The following N4BP1 variants were observed in gnomAD, a reference collection of about 807,000 sequenced individuals.
N4BP1 encodes the protein NEDD4-binding protein 1.
Under a neutral mutation model 70.9 loss-of-function variants are expected in N4BP1, and 21 were observed. That is an observed-to-expected ratio of 0.30 (90% CI 0.21 to 0.43). The LOEUF (loss-of-function observed/expected upper bound fraction) is 0.43. N4BP1 is among the 20% of genes least tolerant of loss of function. The pLI is 1.00. For synonymous variants in N4BP1, 387 were observed against 394.6 expected, an observed-to-expected ratio of 0.98 and a Z score of 0.23; for missense variants, 936 against 1,069.4, an observed-to-expected ratio of 0.88 and a Z score of 1.74.
At chr16:48,594,749 T>C (rs1964385999) in intron 1 of N4BP1, among the ~76,000 whole-genome samples, 2 of 152,250 alleles carry the variant, frequency 1.3e-5, no homozygotes, top group Admixed American at 6.5e-5. Context: ...GTTATTAGTA[T>C]GTGTTACAAA....
intron 1 of N4BP1, among the ~76,000 whole-genome samples, chr16:48,590,481 G>A (rs900961123): frequency 3.3e-5 from 5 of 152,180 alleles, no homozygotes; most frequent in African/African-American, 1.2e-4. Flanking sequence ...TGAACCTGTT[G>A]GTTGGTTACA....
chr16:48,591,621 A>G (rs1964339780), intron 1 of N4BP1, among the ~76,000 whole-genome samples: 2 of 139,944 alleles, frequency 1.4e-5, no homozygotes, highest in Admixed American at 1.5e-4. Context: ...CTATTATTTT[A>G]AAAGGCCTTG....
chr16:48,598,662 G>A (rs1411223598), intron 1 of N4BP1, among the ~76,000 whole-genome samples: 2 of 152,126 alleles, frequency 1.3e-5, no homozygotes, highest in African/African-American at 4.8e-5. Flanking sequence ...AGATTACAAT[G>A]AGAAATCTGA....
intron 4 of N4BP1, among the ~76,000 whole-genome samples, chr16:48,549,044 TAAG>T (rs1963629612): frequency 6.6e-6 from 1 of 152,112 alleles, no homozygotes; most frequent in Non-Finnish European, 1.5e-5. Flanking sequence ...ACCCTCTTAA[TAAG>T]AAATCTGTGA....
intron 1 of N4BP1, among the ~76,000 whole-genome samples, chr16:48,575,233 A>C (rs1254482195): frequency 6.6e-6 from 1 of 152,240 alleles, no homozygotes; most frequent in Non-Finnish European, 1.5e-5. Flanking sequence ...CACTCATAAG[A>C]AAGATAATGC....
At chr16:48,585,472 A>G (rs895765080) in intron 1 of N4BP1, among the ~76,000 whole-genome samples, 3 of 151,822 alleles carry the variant, frequency 2.0e-5, no homozygotes, top group East Asian at 3.9e-4. Flanking sequence ...CCCTGTCTCT[A>G]TTTAAAAAAA....
chr16:48,555,031 T>C (rs1223171966), intron 2 of N4BP1, among the ~76,000 whole-genome samples: 1 of 152,240 alleles, frequency 6.6e-6, no homozygotes, highest in Non-Finnish European at 1.5e-5. Flanking sequence ...CCTCCCGGTC[T>C]CTGAGCCTTT....
chr16:48,595,355 A>T (rs1244470436), intron 1 of N4BP1, among the ~76,000 whole-genome samples: 5 of 147,350 alleles, frequency 3.4e-5, no homozygotes, highest in African/African-American at 1.3e-4. Flanking sequence ...TCCAGCTACT[A>T]GGGAGGCAGG....
chr16:48,584,596 T>C (rs1964216478), intron 1 of N4BP1, among the ~76,000 whole-genome samples: 1 of 145,684 alleles, frequency 6.9e-6, no homozygotes, highest in Non-Finnish European at 1.5e-5. Flanking sequence ...TTAAACATGT[T>C]AGCCTTTTAA....
In N4BP1 at chr16:48,538,934, A is replaced by G. The variant is rs1597085602; in HGVS notation, c.*3970T>C. On this transcript the variant is annotated 3_prime_UTR_variant, in exon 7 of 7. Coordinates refer to ENST00000262384, the MANE Select transcript of N4BP1 (RefSeq NM_153029.4). ...ACACAAAGTGCTGTGCGGTCACAAC[A>G]TCATGGGGATGCTTCTGGCAGAAGC... 6.6e-6 allele frequency: 1 copy of G among 152,290 alleles called. No individual in the cohort carries two copies. Among genetic ancestry groups the G allele is most frequent in the East Asian group, 1.9e-4 (1 of 5,172 alleles). 9.4% of individuals were successfully genotyped at this position (152,290 alleles called of 1,614,324 possible).
chr16:48,608,664 G>T (rs918217925), intron 1 of N4BP1, among the ~76,000 whole-genome samples: 6 of 151,330 alleles, frequency 4.0e-5, no homozygotes, highest in Admixed American at 1.3e-4. Flanking sequence ...GAAAGGGGGG[G>T]AAGTAGATAG....
chr16:48,570,202 T>C lies in N4BP1; in HGVS notation c.199-7758A>G, dbSNP rs551462890. Among the ~76,000 whole-genome samples the C allele has an allele frequency of 3.3e-5, 5 of 152,318 alleles. No individual in the cohort carries two copies. In the East Asian group the frequency reaches 9.6e-4, roughly 29 times the overall value. ...CTCACTCTCGGTTTTAGATGTTTCC[T>C]TTTCTGTCCCTTGGGCTGAAACCAG... On this transcript the variant is annotated intron_variant, in intron 1 of 6. Coordinates refer to ENST00000262384, the MANE Select transcript of N4BP1 (RefSeq NM_153029.4).
intron 1 of N4BP1, among the ~76,000 whole-genome samples, chr16:48,584,037 G>A (rs1036809398): frequency 2.6e-5 from 4 of 152,160 alleles, no homozygotes; most frequent in Non-Finnish European, 4.4e-5. Flanking sequence ...TTAGCCACAT[G>A]TCCCTGTCCA....
rs905327125 is a variant in N4BP1 at position 48,541,011 on chromosome 16, G to A, written c.*1893C>T. 5 of 152,308 alleles carry A rather than the reference G, an allele frequency of 3.3e-5. No homozygotes were observed. In the East Asian group the frequency reaches 5.8e-4, roughly 18 times the overall value. The allele number at this position is 152,308 out of a possible 1,614,324, so 9.4% of individuals were successfully genotyped here. ...CCTCTGAAGCAGTAAGTCAGAACACGAAGACTTACAGAACTCAAACATCAA... is the reference window on the plus strand; with the variant it reads ...CCTCTGAAGCAGTAAGTCAGAACACAAAGACTTACAGAACTCAAACATCAA... On this transcript the variant is annotated 3_prime_UTR_variant, in exon 7 of 7. Coordinates refer to ENST00000262384, the MANE Select transcript of N4BP1 (RefSeq NM_153029.4).
chr16:48,551,255 C>T (rs1963661640), intron 4 of N4BP1, 131 bp downstream of exon 4: 2 of 612,054 alleles, frequency 3.3e-6, no homozygotes, highest in Non-Finnish European at 5.9e-6. Flanking sequence ...AGCATATCAC[C>T]TTAATGACCA....
At chr16:48,544,350 C>T (rs940034272) in intron 6 of N4BP1, among the ~76,000 whole-genome samples, 1 of 152,208 alleles carries the variant, frequency 6.6e-6, no homozygotes, top group Non-Finnish European at 1.5e-5. Context: ...TCCAAACCTA[C>T]AGCTCCCAGT....
chr16:48,591,846 A>T (rs1447528806), intron 1 of N4BP1, among the ~76,000 whole-genome samples: 1 of 150,884 alleles, frequency 6.6e-6, no homozygotes, highest in South Asian at 2.1e-4. Context: ...TCGCTCTCAA[A>T]ATCTAAGGCT....
chr16:48,581,922 A>G (rs770235407), intron 1 of N4BP1, among the ~76,000 whole-genome samples: 2 of 152,228 alleles, frequency 1.3e-5, no homozygotes, highest in Admixed American at 1.3e-4. Flanking sequence ...ATACAACCAC[A>G]AAAGCAGAGG....
intron 1 of N4BP1, among the ~76,000 whole-genome samples, chr16:48,575,145 G>A (rs1403790457): frequency 3.3e-5 from 5 of 152,010 alleles, no homozygotes; most frequent in African/African-American, 4.8e-5. Context: ...TAGCAACAAC[G>A]GATTATTATA....
Sources: allele counts gnomAD v4.1 joint callset (sites outside exome capture counted in the v4.1 genomes callset), GRCh38; gene constraint gnomAD v4.1.1; transcripts MANE v1.5; gene names NCBI Gene and HGNC (gene_info 2026-07-23, HGNC 2026-07-21).